The following TLR4 variants were observed in gnomAD, a reference collection of about 807,000 sequenced individuals.
TLR4 encodes the protein toll-like receptor 4.
In TLR4, 17 loss-of-function variants were observed where a neutral mutation model predicts 27.4. That is an observed-to-expected ratio of 0.62 (90% CI 0.42 to 0.93). TLR4 has a LOEUF of 0.93. TLR4 is among the 40% of genes least tolerant of loss of function. The pLI, the probability that TLR4 is intolerant of heterozygous loss-of-function variation, is 0.00. For missense variants in TLR4, 926 were observed against 962.3 expected, an observed-to-expected ratio of 0.96 and a Z score of 0.50; for synonymous variants, 363 against 365.7, an observed-to-expected ratio of 0.99 and a Z score of 0.08.
chr9:117,708,553 A>G lies in TLR4; in HGVS notation c.94-10A>G. The G allele has an allele frequency of 6.2e-7, 1 of 1,613,678 alleles. No individual in the cohort carries two copies. The highest frequency in any genetic ancestry group is 1.1e-5 in the South Asian group (1 of 91,076). ...GTAAAGATACTTCATGTCATGTGTA[A>G]TCATTGCAGGTGGTTCCTAATATTA... On this transcript the variant is annotated splice_polypyrimidine_tract_variant and intron_variant, in intron 1 of 2. Coordinates refer to ENST00000355622, the MANE Select transcript of TLR4 (RefSeq NM_138554.5).
Position 117,714,060 on chromosome 9 carries a change from A to T in TLR4, c.1932A>T (p.Val644=), listed in dbSNP as rs778468089. 3 of 1,613,980 alleles carry T rather than the reference A, an allele frequency of 1.9e-6. No homozygotes were observed. The highest frequency in any genetic ancestry group is 8.5e-7 in the Non-Finnish European group (1 of 1,179,982). ...TGTCGGTCCTCAGTGTGCTTGTAGT[A>T]TCTGTTGTAGCAGTTCTGGTCTATA... The part of the protein sequence containing the change: ...IGVSVLSVLV[V]SVVAVLVYKF... Residue 644 remains valine, a synonymous_variant, in exon 3 of 3, where the codon GTA becomes GTT. Coordinates refer to ENST00000355622, the MANE Select transcript of TLR4 (RefSeq NM_138554.5).
chr9:117,716,815 C>G lies in TLR4; in HGVS notation c.*2167C>G, dbSNP rs1200928494. 3 of 152,092 alleles carry G rather than the reference C, an allele frequency of 2.0e-5. No homozygotes were observed. Among genetic ancestry groups the G allele is most frequent in the African/African-American group, 7.2e-5 (3 of 41,406 alleles). The allele number at this position is 152,092 out of a possible 1,614,324, so 9.4% of individuals were successfully genotyped here. ...TGGTGATGGTTTGACAGGTATGTGA[C>G]TATGTCTAAACTCATCAAATTGTAT... On this transcript the variant is annotated 3_prime_UTR_variant, in exon 3 of 3. Transcript: ENST00000355622.
At chr9:117,707,148 C>T (rs1927912) in intron 1 of TLR4, among the ~76,000 whole-genome samples, 146,981 of 152,286 alleles carry the variant, frequency 0.97, 71,153 homozygotes, top group East Asian at 1. Flanking sequence ...TTGTGCTTCC[C>T]GTGAAAGGGA....
intron 1 of TLR4, among the ~76,000 whole-genome samples, chr9:117,706,961 A>G (rs1267138910): frequency 6.6e-6 from 1 of 152,212 alleles, no homozygotes; most frequent in African/African-American, 2.4e-5. Context: ...CCTTCATTTA[A>G]TCAGTTATTC....
rs1235290862 is a variant in TLR4, at chr9:117,714,680, C to A, written c.*32C>A. On this transcript the variant is annotated 3_prime_UTR_variant, in exon 3 of 3. Coordinates refer to ENST00000355622, the MANE Select transcript of TLR4 (RefSeq NM_138554.5). ...AAAATAAAAACCTCCTGAGGCATTT[C>A]TTGCCCAGCTGGGTCCAACACTTGT... 1 of 1,592,522 alleles carries A rather than the reference C, an allele frequency of 6.3e-7. No individual in the cohort carries two copies. Among genetic ancestry groups the A allele is most frequent in the Non-Finnish European group, 8.6e-7 (1 of 1,164,262 alleles).
chr9:117,708,698 T>A lies in TLR4; in HGVS notation c.229T>A (p.Phe77Ile). 6.2e-7 allele frequency: 1 copy of A among 1,613,898 alleles called. No homozygotes were observed. ...TTTAGGCAGCTATAGCTTCTTCAGT[T>A]TCCCAGAACTGCAGGTGCTGGATTT... ...RHLGSYSFFS[F>I]PELQVLDLSR... Residue 77 changes from phenylalanine (F) to isoleucine (I), a missense_variant, in exon 2 of 3, where the codon TTC becomes ATC. Physicochemically the swap from Phe to Ile is conservative, Grantham distance 21 (BLOSUM62 0). Coordinates refer to ENST00000355622, the MANE Select transcript of TLR4 (RefSeq NM_138554.5).
chr9:117,710,512 T>C (rs1404646331), intron 2 of TLR4, among the ~76,000 whole-genome samples: 1 of 151,806 alleles, frequency 6.6e-6, no homozygotes, highest in African/African-American at 2.4e-5. Flanking sequence ...ATGTAATTCA[T>C]CTTCAATCCA....
rs553121720 is a variant in TLR4, at chr9:117,723,292, T to C, written c.*8644T>C. The C allele has an allele frequency of 6.6e-6, 1 of 152,228 alleles. No homozygotes were observed. The highest frequency in any genetic ancestry group is 1.5e-5 in the Non-Finnish European group (1 of 68,046). The allele number at this position is 152,228 out of a possible 1,614,324, so 9.4% of individuals were successfully genotyped here. A position where few individuals can be genotyped will look rare whatever the true frequency, so the allele number is the denominator to read the frequency against. ...GGGAGACTCATTCGTCAAGTCATGA[T>C]GTATCCATGTATTTATAATATTTCC... On this transcript the variant is annotated 3_prime_UTR_variant, in exon 3 of 3. Coordinates refer to ENST00000355622, the MANE Select transcript of TLR4 (RefSeq NM_138554.5).
Position 117,712,803 on chromosome 9 carries a change from A to G in TLR4, c.675A>G (p.Glu225=). Residue 225 remains glutamate, a synonymous_variant, in exon 3 of 3, where the codon GAA becomes GAG. Coordinates refer to ENST00000355622, the MANE Select transcript of TLR4 (RefSeq NM_138554.5). ...TTATCCAACCAGGTGCATTTAAAGA[A>G]ATTAGGCTTCATAAGCTGACTTTAA... is the stretch of plus-strand genomic sequence containing the variant. ...MNFIQPGAFK[E]IRLHKLTLRN... is the part of the protein sequence containing the mutation. 6.2e-7 allele frequency: 1 copy of G among 1,614,078 alleles called. No individual in the cohort carries two copies. Among genetic ancestry groups the G allele is most frequent in the Non-Finnish European group, 8.5e-7 (1 of 1,180,008 alleles).
Position 117,713,595 on chromosome 9 carries a change from A to G in TLR4, c.1467A>G (p.Pro489=). 1.2e-6 allele frequency: 2 copies of G among 1,614,112 alleles called. No individual in the cohort carries two copies. The highest frequency in any genetic ancestry group is 8.5e-7 in the Non-Finnish European group (1 of 1,180,006). The stretch of plus-strand genomic sequence containing the variant: ...ATTCTTTCCAGGAAAACTTCCTTCC[A>G]GATATCTTCACAGAGCTGAGAAACT... ...AGNSFQENFL[P]DIFTELRNLT... The change falls in exon 3 of 3, where the codon CCA becomes CCG. Residue 489 remains proline (P), a synonymous_variant. Transcript: ENST00000355622.
rs1829277269 is a variant in TLR4, at chr9:117,713,391, A to G, written c.1263A>G (p.Leu421=). ...CCATGAGTTCAAACTTCTTGGGCTTAGAACAACTAGAACATCTGGATTTCC... is the reference window on the plus strand; with the variant it reads ...CCATGAGTTCAAACTTCTTGGGCTTGGAACAACTAGAACATCTGGATTTCC... ...VITMSSNFLG[L]EQLEHLDFQH... Residue 421 remains leucine, a synonymous_variant, in exon 3 of 3, where the codon TTA becomes TTG. Coordinates refer to ENST00000355622, the MANE Select transcript of TLR4 (RefSeq NM_138554.5). 1.9e-6 allele frequency: 3 copies of G among 1,613,960 alleles called. No individual in the cohort carries two copies. Among genetic ancestry groups the G allele is most frequent in the Non-Finnish European group, 2.5e-6 (3 of 1,179,972 alleles).
rs932860973 is a variant in TLR4, at chr9:117,722,911, A to G, written c.*8263A>G. On this transcript the variant is annotated 3_prime_UTR_variant, in exon 3 of 3. Coordinates refer to ENST00000355622, the MANE Select transcript of TLR4 (RefSeq NM_138554.5). ...TTTTGTGACTAGCTAAGAATCAATT[A>G]TCTCTTTAAAATATATTTAAGTTTA... The G allele has an allele frequency of 6.6e-6, 1 of 152,194 alleles. No individual in the cohort carries two copies. The highest frequency in any genetic ancestry group is 1.5e-5 in the Non-Finnish European group (1 of 68,024). The allele number at this position is 152,194 out of a possible 1,614,324, so 9.4% of individuals were successfully genotyped here.
At position 117,717,159 on chromosome 9, in the gene TLR4, A is replaced by G. The variant is rs202011359; in HGVS notation, c.*2511A>G. ...TATCTGTATAGAAGAGAGTGTGATT[A>G]TATTTCTTGAAGAATACATCCATTT... is the stretch of plus-strand genomic sequence containing the variant. On this transcript the variant is annotated 3_prime_UTR_variant, in exon 3 of 3. Transcript: ENST00000355622. The G allele has an allele frequency of 6.6e-6, 1 of 152,104 alleles. No homozygotes were observed. Among genetic ancestry groups the G allele is most frequent in the African/African-American group, 2.4e-5 (1 of 41,422 alleles). 9.4% of individuals were successfully genotyped at this position (152,104 alleles called of 1,614,324 possible). A position where few individuals can be genotyped will look rare whatever the true frequency, so the allele number is the denominator to read the frequency against.
intron 2 of TLR4, among the ~76,000 whole-genome samples, chr9:117,709,795 G>C (rs1829200502): frequency 6.6e-6 from 1 of 152,108 alleles, no homozygotes; most frequent in Admixed American, 6.6e-5. Context: ...TAACAAAGGA[G>C]TAATGGAACA....
rs1183881201 is a variant in TLR4, at chr9:117,717,362, A to T, written c.*2714A>T. The T allele has an allele frequency of 6.6e-6, 1 of 152,158 alleles. No homozygotes were observed. The highest frequency in any genetic ancestry group is 1.5e-5 in the Non-Finnish European group (1 of 68,024). The allele number at this position is 152,158 out of a possible 1,614,324, so 9.4% of individuals were successfully genotyped here. ...TTTTTCCTATACATAAATACCTAAG[A>T]TAAAGTTCATCTTCTGAATTAGGCA... On this transcript the variant is annotated 3_prime_UTR_variant, in exon 3 of 3. Coordinates refer to ENST00000355622, the MANE Select transcript of TLR4 (RefSeq NM_138554.5).
In TLR4 at chr9:117,718,608, T is replaced by C. The variant is rs1829386942; in HGVS notation, c.*3960T>C. ...AAAGCCAAAACTCAAATTCACTCCT[T>C]ATCAACTGTGTGCCTTGGGCTCCAT... On this transcript the variant is annotated 3_prime_UTR_variant, in exon 3 of 3. Transcript: ENST00000355622. 1 of 152,070 alleles carries C rather than the reference T, an allele frequency of 6.6e-6. No homozygotes were observed. Among genetic ancestry groups the C allele is most frequent in the South Asian group, 2.1e-4 (1 of 4,814 alleles). The allele number at this position is 152,070 out of a possible 1,614,324, so 9.4% of individuals were successfully genotyped here. A position where few individuals can be genotyped will look rare whatever the true frequency, so the allele number is the denominator to read the frequency against.
At position 117,718,347 on chromosome 9, in the gene TLR4, A is replaced by G. The variant is rs1373144390; in HGVS notation, c.*3699A>G. The stretch of plus-strand genomic sequence containing the variant: ...GGTTTCTCAGTTGAAGCCATGAATC[A>G]TTAAGCCAATACATATGCATATATG... On this transcript the variant is annotated 3_prime_UTR_variant, in exon 3 of 3. Coordinates refer to ENST00000355622, the MANE Select transcript of TLR4 (RefSeq NM_138554.5). The G allele has an allele frequency of 1.3e-5, 2 of 152,180 alleles. No homozygotes were observed. Among genetic ancestry groups the G allele is most frequent in the East Asian group, 1.9e-4 (1 of 5,192 alleles). 9.4% of individuals were successfully genotyped at this position (152,180 alleles called of 1,614,324 possible).
At position 117,723,307 on chromosome 9, in the gene TLR4, A is replaced by C. The variant is rs1015982472; in HGVS notation, c.*8659A>C. ...CAAGTCATGATGTATCCATGTATTTATAATATTTCCCATGTTCCCTCATTT... is the reference window on the plus strand; with the variant it reads ...CAAGTCATGATGTATCCATGTATTTCTAATATTTCCCATGTTCCCTCATTT... On this transcript the variant is annotated 3_prime_UTR_variant, in exon 3 of 3. Coordinates refer to ENST00000355622, the MANE Select transcript of TLR4 (RefSeq NM_138554.5). The C allele has an allele frequency of 2.0e-5, 3 of 152,200 alleles. No individual in the cohort carries two copies. Among genetic ancestry groups the C allele is most frequent in the Non-Finnish European group, 4.4e-5 (3 of 68,028 alleles). 9.4% of individuals were successfully genotyped at this position (152,200 alleles called of 1,614,324 possible). A position where few individuals can be genotyped will look rare whatever the true frequency, so the allele number is the denominator to read the frequency against.
Position 117,716,175 on chromosome 9 carries a change from C to T in TLR4, c.*1527C>T, listed in dbSNP as rs1829344023. Reference sequence around the variant, plus strand: ...GGTTTCTCAAAAATTAAAAATAGAACTGCTATATGATCCAGCAATCTCACT... The same window carrying T: ...GGTTTCTCAAAAATTAAAAATAGAATTGCTATATGATCCAGCAATCTCACT... On this transcript the variant is annotated 3_prime_UTR_variant, in exon 3 of 3. Transcript: ENST00000355622. 1 of 152,128 alleles carries T rather than the reference C, an allele frequency of 6.6e-6. No individual in the cohort carries two copies. Among genetic ancestry groups the T allele is most frequent in the African/African-American group, 2.4e-5 (1 of 41,428 alleles). The allele number at this position is 152,128 out of a possible 1,614,324, so 9.4% of individuals were successfully genotyped here. A position where few individuals can be genotyped will look rare whatever the true frequency, so the allele number is the denominator to read the frequency against.
Sources: gnomAD v4.1 joint callset for allele counts (sites outside exome capture counted in the v4.1 genomes callset) on GRCh38, gnomAD v4.1.1 for gene constraint, MANE v1.5 for transcripts, NCBI Gene and HGNC (gene_info 2026-07-23, HGNC 2026-07-21) for gene names.